Variants in RNLS observed in about 807,000 individuals in gnomAD.
The protein encoded by RNLS is renalase, FAD dependent amine oxidase.
A neutral mutation model predicts 39.8 loss-of-function variants in RNLS; 39 were observed. The ratio of observed to expected loss-of-function variants is 0.98; its 90% confidence interval spans 0.76 to 1.28. RNLS has a LOEUF of 1.28. RNLS is among the 50% of genes most tolerant of loss of function. The probability of loss-of-function intolerance (pLI) is 0.00; values close to 1 mark genes in which losing one functional copy is unlikely to be tolerated. For synonymous variants in RNLS, 147 were observed against 150.7 expected (o/e 0.98, Z 0.18); for missense variants, 410 against 413.3 (o/e 0.99, Z 0.07).
chr10:88,386,596 TAAG>T (rs1320222048), intron 4 of RNLS, among the ~76,000 whole-genome samples: 1 of 152,216 alleles, frequency 6.6e-6, no homozygotes, highest in Non-Finnish European at 1.5e-5. Flanking sequence ...TGTTCTGTGT[TAAG>T]AGAATCCTCA....
chr10:88,331,729 G>A (rs1220787168), intron 5 of RNLS, among the ~76,000 whole-genome samples: 4 of 152,094 alleles, frequency 2.6e-5, no homozygotes, highest in East Asian at 1.9e-4. Context: ...TTGATGATAC[G>A]TTTGCCCTTC....
chr10:88,188,066 CT>C, the RNLS span, among the ~76,000 whole-genome samples: 4 of 151,342 alleles, frequency 2.6e-5, no homozygotes, highest in African/African-American at 4.9e-5. Context: ...GTTTCTTTTT[CT>C]TTTTTTTTGA....
Position 88,292,264 on chromosome 10 carries a change from T to C in RNLS, c.877-6758A>G, listed in dbSNP as rs991355284. ...TCTAGGATGCTGCCTTTTTCATCAGTCTGTCATGTTAATATAGGGGAAATA... is the reference window on the plus strand; with the variant it reads ...TCTAGGATGCTGCCTTTTTCATCAGCCTGTCATGTTAATATAGGGGAAATA... On this transcript the variant is annotated intron_variant, in intron 6 of 6. Coordinates refer to ENST00000331772, the MANE Select transcript of RNLS (RefSeq NM_001031709.3). 1.4e-4 allele frequency among the ~76,000 whole-genome samples: 21 copies of C among 150,488 alleles called. No homozygotes were observed. The Middle Eastern group carries it at 0.01, about 73-fold the overall frequency.
the RNLS span, among the ~76,000 whole-genome samples, chr10:88,200,777 CTGTT>C: frequency 6.6e-6 from 1 of 152,158 alleles, no homozygotes; most frequent in Non-Finnish European, 1.5e-5. Flanking sequence ...CAACAAAGAA[CTGTT>C]TGTGTGTAGA....
Position 88,450,026 on chromosome 10 carries a change from C to T in RNLS, c.527-87301G>A, listed in dbSNP as rs756668703. Among the ~76,000 whole-genome samples, 37 of 150,814 alleles carry T rather than the reference C, an allele frequency of 2.5e-4. No individual in the cohort carries two copies. In the East Asian group the frequency reaches 2.5e-3, roughly 10 times the overall value. On this transcript the variant is annotated intron_variant, in intron 4 of 6. Transcript: ENST00000331772. Reference sequence around the variant, plus strand: ...GAGCTCTTGATTTGTAAGAGCTGGGCCTTTTGGGAGGAAAAAAAAAAAAGA... The same window carrying T: ...GAGCTCTTGATTTGTAAGAGCTGGGTCTTTTGGGAGGAAAAAAAAAAAAGA...
intron 3 of RNLS, among the ~76,000 whole-genome samples, chr10:88,579,439 T>C (rs1850400892): frequency 6.6e-6 from 1 of 152,132 alleles, no homozygotes; most frequent in Non-Finnish European, 1.5e-5. Flanking sequence ...CGACCTGCCT[T>C]GGGAAAAGAG....
chr10:88,412,440 A>T (rs12768623), intron 4 of RNLS, among the ~76,000 whole-genome samples: 1 of 152,084 alleles, frequency 6.6e-6, no homozygotes, highest in Non-Finnish European at 1.5e-5. Flanking sequence ...TGAGATCTAC[A>T]CTAATATCTC....
the RNLS span, among the ~76,000 whole-genome samples, chr10:88,189,275 A>G: frequency 6.6e-6 from 1 of 152,322 alleles, no homozygotes; most frequent in South Asian, 2.1e-4. Flanking sequence ...GCCAACATTT[A>G]AATACCATTT....
intron 4 of RNLS, among the ~76,000 whole-genome samples, chr10:88,522,073 C>T (rs142266763): frequency 0.013 from 1,948 of 152,202 alleles, 26 homozygotes; most frequent in Non-Finnish European, 0.016. Context: ...GAAGACTCAT[C>T]TTCTAATGAG....
the RNLS span, among the ~76,000 whole-genome samples, chr10:88,258,026 G>A: frequency 1.3e-5 from 2 of 152,146 alleles, no homozygotes; most frequent in Admixed American, 6.5e-5. Context: ...AAATTTTACT[G>A]GATAAAGTTC....
At chr10:88,414,747 ACCTGC>A (rs1853911092) in intron 4 of RNLS, among the ~76,000 whole-genome samples, 1 of 152,182 alleles carries the variant, frequency 6.6e-6, no homozygotes, top group Non-Finnish European at 1.5e-5. Context: ...CGTTCTATCA[ACCTGC>A]CCATTAGGGA....
chr10:88,283,284 A>G (rs1230955527), downstream of RNLS, among the ~76,000 whole-genome samples: 1 of 152,174 alleles, frequency 6.6e-6, no homozygotes, highest in African/African-American at 2.4e-5. Flanking sequence ...CATATCAAGT[A>G]GGGTTTTTCC....
At chr10:88,477,808 C>T (rs989844635) in intron 4 of RNLS, among the ~76,000 whole-genome samples, 1 of 152,154 alleles carries the variant, frequency 6.6e-6, no homozygotes, top group Admixed American at 6.5e-5. Flanking sequence ...TTGCCAAGTT[C>T]ACACAGCTGT....
the RNLS span, among the ~76,000 whole-genome samples, chr10:88,233,602 A>C: frequency 1.3e-5 from 2 of 152,210 alleles, no homozygotes; most frequent in Non-Finnish European, 2.9e-5. Context: ...AATATATGGG[A>C]TATACCTATC....
intron 4 of RNLS, among the ~76,000 whole-genome samples, chr10:88,470,245 T>G (rs1843441600): frequency 6.6e-6 from 1 of 152,002 alleles, no homozygotes; most frequent in Non-Finnish European, 1.5e-5. Flanking sequence ...GTCAAGGGGG[T>G]TTGCTGTACA....
At chr10:88,254,364 G>T in the RNLS span, among the ~76,000 whole-genome samples, 2 of 152,182 alleles carry the variant, frequency 1.3e-5, no homozygotes, top group African/African-American at 4.8e-5. Flanking sequence ...TGAAATTAAG[G>T]CCAGGAAAAG....
At chr10:88,366,234 G>C (rs1850090284) in intron 4 of RNLS, among the ~76,000 whole-genome samples, 1 of 152,212 alleles carries the variant, frequency 6.6e-6, no homozygotes, top group Admixed American at 6.6e-5. Context: ...TACCTCTGAG[G>C]ATTTTACTTG....
chr10:88,234,855 A>G, the RNLS span, among the ~76,000 whole-genome samples: 1 of 152,226 alleles, frequency 6.6e-6, no homozygotes, highest in African/African-American at 2.4e-5. Flanking sequence ...GAAGGACTTC[A>G]TGGAGGAGGT....
At chr10:88,460,761 C>T (rs1360984893) in intron 4 of RNLS, among the ~76,000 whole-genome samples, 1 of 152,120 alleles carries the variant, frequency 6.6e-6, no homozygotes, top group Admixed American at 6.6e-5. Context: ...CCCACTTTCC[C>T]TCTGACTGTT....
Sources: allele counts gnomAD v4.1 joint callset (sites outside exome capture counted in the v4.1 genomes callset), GRCh38; gene constraint gnomAD v4.1.1; transcripts MANE v1.5; gene names NCBI Gene and HGNC (gene_info 2026-07-23, HGNC 2026-07-21).